Variants in ZNF385D observed in about 807,000 individuals in gnomAD.
The protein encoded by ZNF385D is zinc finger protein 385D, also known as zinc finger protein 659.
A neutral mutation model predicts 35.8 loss-of-function variants in ZNF385D; 15 were observed. That is an observed-to-expected ratio of 0.42 (90% CI 0.28 to 0.64). The LOEUF (loss-of-function observed/expected upper bound fraction) is 0.64, where lower values mean the gene tolerates loss of function less well. ZNF385D is among the 30% of genes least tolerant of loss of function. The pLI, the probability that ZNF385D is intolerant of heterozygous loss-of-function variation, is 0.23. For missense variants in ZNF385D, 474 were observed against 494.6 expected, an observed-to-expected ratio of 0.96 and a Z score of 0.39; for synonymous variants, 212 against 186.8, an observed-to-expected ratio of 1.13 and a Z score of -1.10.
At chr3:21,879,396 T>C (rs572407015) in intron 3 of ZNF385D, among the ~76,000 whole-genome samples, 65 of 152,112 alleles carry the variant, frequency 4.3e-4, no homozygotes, top group African/African-American at 1.5e-3. Flanking sequence ...AGATGCTTCT[T>C]GTCTTTGTTC....
intron 1 of ZNF385D, among the ~76,000 whole-genome samples, chr3:21,744,306 AT>A (rs1395875265): frequency 2.6e-5 from 4 of 152,214 alleles, no homozygotes; most frequent in Non-Finnish European, 4.4e-5. Flanking sequence ...ATTAAAGTAC[AT>A]TTACATTCCT....
chr3:21,438,924 T>G (rs1488705220), intron 4 of ZNF385D, among the ~76,000 whole-genome samples: 1 of 152,094 alleles, frequency 6.6e-6, no homozygotes, highest in Non-Finnish European at 1.5e-5. Context: ...AAATATGAAG[T>G]AACTGCCAAA....
intron 3 of ZNF385D, among the ~76,000 whole-genome samples, chr3:22,119,721 C>T (rs1702988976): frequency 6.6e-6 from 1 of 152,148 alleles, no homozygotes; most frequent in Non-Finnish European, 1.5e-5. Context: ...TTTACTATCT[C>T]TCCAGTAGAT....
chr3:22,368,097 A>G (rs1227826541), intron 2 of ZNF385D, among the ~76,000 whole-genome samples: 1 of 152,244 alleles, frequency 6.6e-6, no homozygotes, highest in Non-Finnish European at 1.5e-5. Context: ...TTTGGTAGAT[A>G]TATTTCCATA....
chr3:21,835,087 A>G (rs940678640), intron 3 of ZNF385D, among the ~76,000 whole-genome samples: 3 of 152,106 alleles, frequency 2.0e-5, no homozygotes, highest in Admixed American at 6.6e-5. Context: ...TTATTGGTAT[A>G]CAGTCATGAC....
intron 3 of ZNF385D, among the ~76,000 whole-genome samples, chr3:21,855,052 T>C (rs1172940084): frequency 6.6e-6 from 1 of 151,928 alleles, no homozygotes; most frequent in African/African-American, 2.4e-5. Flanking sequence ...ACCAGAATTC[T>C]TACTTGGCTT....
chr3:21,610,417 G>T (rs2064634757), intron 2 of ZNF385D, among the ~76,000 whole-genome samples: 1 of 152,146 alleles, frequency 6.6e-6, no homozygotes, highest in South Asian at 2.1e-4. Flanking sequence ...GGTCTACTGT[G>T]ATGTATTAGG....
chr3:22,191,713 A>G (rs975339289), intron 2 of ZNF385D, among the ~76,000 whole-genome samples: 2 of 152,158 alleles, frequency 1.3e-5, no homozygotes, highest in Non-Finnish European at 2.9e-5. Context: ...TACTTGTAAA[A>G]CAGTAATTAA....
intron 2 of ZNF385D, among the ~76,000 whole-genome samples, chr3:22,189,064 C>A (rs534817970): frequency 6.6e-6 from 1 of 152,116 alleles, no homozygotes; most frequent in African/African-American, 2.4e-5. Context: ...ATTAGGTGTA[C>A]AATCCATTCC....
At chr3:21,830,474 G>C (rs982032688) in intron 3 of ZNF385D, among the ~76,000 whole-genome samples, 2 of 152,148 alleles carry the variant, frequency 1.3e-5, no homozygotes, top group African/African-American at 4.8e-5. Context: ...TGCCATATTA[G>C]GTGCGCTGGG....
At chr3:21,477,024 C>T (rs1704292465) in intron 4 of ZNF385D, among the ~76,000 whole-genome samples, 1 of 152,128 alleles carries the variant, frequency 6.6e-6, no homozygotes, top group Non-Finnish European at 1.5e-5. Flanking sequence ...TTCCTTCCAG[C>T]CTACAATATT....
chr3:21,748,898 C>G (rs1286785994), intron 1 of ZNF385D, among the ~76,000 whole-genome samples: 1 of 152,132 alleles, frequency 6.6e-6, no homozygotes, highest in Non-Finnish European at 1.5e-5. Flanking sequence ...CTGCTCAATT[C>G]TTTTTGCCCT....
intron 4 of ZNF385D, among the ~76,000 whole-genome samples, chr3:21,487,948 T>C (rs752047278): frequency 3.9e-5 from 6 of 152,174 alleles, no homozygotes; most frequent in Non-Finnish European, 7.4e-5. Flanking sequence ...ATTATAAGAA[T>C]GTGCAATGCA....
intron 2 of ZNF385D, among the ~76,000 whole-genome samples, chr3:22,314,008 T>A (rs935478727): frequency 6.6e-6 from 1 of 152,150 alleles, no homozygotes; most frequent in Non-Finnish European, 1.5e-5. Context: ...TTCCAGTCCT[T>A]CTGGAAATGG....
At position 21,646,551 on chromosome 3, in the gene ZNF385D, G is replaced by A. The variant is rs1259697675; in HGVS notation, c.165+18335C>T. 1.3e-5 allele frequency among the ~76,000 whole-genome samples: 2 copies of A among 152,180 alleles called. No homozygotes were observed. The highest frequency in any genetic ancestry group is 2.4e-5 in the African/African-American group (1 of 41,432). On this transcript the variant is annotated intron_variant, in intron 2 of 7. Coordinates refer to ENST00000281523, the MANE Select transcript of ZNF385D (RefSeq NM_024697.3). This position sits in a 1 kb window ranked among gnomAD's most constrained non-coding sequence, Gnocchi z 4.3. Reference sequence around the variant, plus strand: ...AACTAATTCAGCAAATACTAACTGAGTGTCTATTGTGTATTGACCACCTAA... The same window carrying A: ...AACTAATTCAGCAAATACTAACTGAATGTCTATTGTGTATTGACCACCTAA...
chr3:21,478,700 G>T lies in ZNF385D; in HGVS notation c.439+32161C>A, dbSNP rs1030605028. On this transcript the variant is annotated intron_variant, in intron 4 of 7. Transcript: ENST00000281523. Reference sequence around the variant, plus strand: ...CAGAAAGAATCAGATACTTGAAGTAGGATTATTTTTTCCTAGTACTGGCTA... The same window carrying T: ...CAGAAAGAATCAGATACTTGAAGTATGATTATTTTTTCCTAGTACTGGCTA... Among the ~76,000 whole-genome samples, 6 of 152,090 alleles carry T rather than the reference G, an allele frequency of 3.9e-5. No individual in the cohort carries two copies. In the East Asian group the frequency reaches 9.6e-4, roughly 24 times the overall value.
intron 3 of ZNF385D, among the ~76,000 whole-genome samples, chr3:21,902,906 G>A (rs144020630): frequency 6.6e-6 from 1 of 152,102 alleles, no homozygotes; most frequent in African/African-American, 2.4e-5. Context: ...CTTTACTGAA[G>A]AGTTTTATTT....
chr3:21,731,681 C>A (rs2069002079), intron 1 of ZNF385D, among the ~76,000 whole-genome samples: 1 of 152,152 alleles, frequency 6.6e-6, no homozygotes, highest in Admixed American at 6.5e-5. Flanking sequence ...CCTATAACCC[C>A]TGGCAATCCC....
intron 2 of ZNF385D, among the ~76,000 whole-genome samples, chr3:22,174,603 A>T (rs968772543): frequency 6.6e-6 from 1 of 152,150 alleles, no homozygotes; most frequent in Non-Finnish European, 1.5e-5. Flanking sequence ...CTCTCATATA[A>T]ATAGTGGTAG....
Sources: gnomAD v4.1 joint callset for allele counts (sites outside exome capture counted in the v4.1 genomes callset) on GRCh38, gnomAD v4.1.1 for gene constraint, Gnocchi (gnomAD v3.1) non-coding constraint, MANE v1.5 for transcripts, NCBI Gene and HGNC (gene_info 2026-07-23, HGNC 2026-07-21) for gene names.